Variants in SPAG16 observed in about 807,000 individuals in gnomAD.
SPAG16 encodes the protein sperm associated antigen 16.
SPAG16 carries 86 observed loss-of-function variants against 80.4 expected under a neutral mutation model. The ratio of observed to expected loss-of-function variants is 1.07; its 90% CI spans 0.90 to 1.28. SPAG16 has a LOEUF of 1.28. Ranked by LOEUF, SPAG16 falls within the 50% of genes most tolerant of loss-of-function variation. The pLI is 0.00. For missense variants in SPAG16, 870 were observed against 765.3 expected (o/e 1.14, Z -1.61); for synonymous variants, 294 against 265.9 (o/e 1.11, Z -1.03).
intron 13 of SPAG16, among the ~76,000 whole-genome samples, chr2:214,049,306 T>G (rs1242287511): frequency 6.6e-6 from 1 of 152,150 alleles, no homozygotes; most frequent in Non-Finnish European, 1.5e-5. Context: ...CCGAAGCACC[T>G]CTCCTTTTCC....
intron 12 of SPAG16, among the ~76,000 whole-genome samples, chr2:213,979,247 A>C (rs1244226915): frequency 1.3e-5 from 2 of 151,538 alleles, no homozygotes; most frequent in Non-Finnish European, 2.9e-5. Flanking sequence ...TCTCTTTTTA[A>C]ATTAAAAAAA....
chr2:213,381,819 G>T (rs1407200413), intron 9 of SPAG16, among the ~76,000 whole-genome samples: 2 of 152,174 alleles, frequency 1.3e-5, no homozygotes, highest in East Asian at 3.9e-4. Context: ...CAGTCAGCCA[G>T]ACTGATAGCC....
chr2:214,288,995 C>T (rs1693595196), intron 15 of SPAG16, among the ~76,000 whole-genome samples: 3 of 152,110 alleles, frequency 2.0e-5, no homozygotes, highest in Admixed American at 2.0e-4. Context: ...GTCTCGATCT[C>T]CTGACCTCGT....
intron 10 of SPAG16, among the ~76,000 whole-genome samples, chr2:213,786,579 T>C (rs1471061030): frequency 2.6e-5 from 4 of 152,194 alleles, no homozygotes; most frequent in African/African-American, 9.7e-5. Context: ...TATTACCATG[T>C]AATTTAATTA....
At chr2:213,998,398 T>C (rs1442632502) in intron 12 of SPAG16, among the ~76,000 whole-genome samples, 1 of 152,208 alleles carries the variant, frequency 6.6e-6, no homozygotes, top group Non-Finnish European at 1.5e-5. Flanking sequence ...TATCAAGGGT[T>C]TTCCACTTTT....
At chr2:213,532,540 C>T (rs563260382) in intron 10 of SPAG16, among the ~76,000 whole-genome samples, 2 of 151,508 alleles carry the variant, frequency 1.3e-5, no homozygotes, top group South Asian at 4.2e-4. Context: ...CGGCTCACCA[C>T]AACCTCCACC....
At chr2:214,220,231 C>CTTATATCTTCTTATATCTT in intron 15 of SPAG16, among the ~76,000 whole-genome samples, 1 of 151,974 alleles carries the variant, frequency 6.6e-6, no homozygotes, top group Non-Finnish European at 1.5e-5. Flanking sequence ...ATCCTTGGTC[C>CTTATATCTTCTTATATCTT]AGATCTTCTT....
At chr2:213,752,405 C>T (rs1362833565) in intron 10 of SPAG16, among the ~76,000 whole-genome samples, 5 of 152,190 alleles carry the variant, frequency 3.3e-5, no homozygotes, top group Admixed American at 3.3e-4. Flanking sequence ...TGACCTTTCT[C>T]TCCTCTACCA....
chr2:213,503,110 T>G (rs970927328), intron 10 of SPAG16, among the ~76,000 whole-genome samples: 2 of 152,246 alleles, frequency 1.3e-5, no homozygotes, highest in African/African-American at 4.8e-5. Context: ...TGTATCTGTT[T>G]ATGTATCTTG....
At chr2:213,730,598 C>T (rs988093720) in intron 10 of SPAG16, among the ~76,000 whole-genome samples, 2 of 152,032 alleles carry the variant, frequency 1.3e-5, no homozygotes, top group Non-Finnish European at 2.9e-5. Context: ...GCATTATTTC[C>T]CCTATGGGTT....
At chr2:214,204,021 C>A (rs1407081331) in intron 15 of SPAG16, among the ~76,000 whole-genome samples, 1 of 152,166 alleles carries the variant, frequency 6.6e-6, no homozygotes, top group African/African-American at 2.4e-5. Flanking sequence ...GCCTTTTGGG[C>A]TGCATAGGAG....
At chr2:214,104,996 G>A (rs146623888) in intron 13 of SPAG16, among the ~76,000 whole-genome samples, 5 of 152,204 alleles carry the variant, frequency 3.3e-5, no homozygotes, top group South Asian at 4.1e-4. Flanking sequence ...TAAGGCCACC[G>A]ACATAATCAC....
chr2:214,005,858 A>C lies in SPAG16; in HGVS notation c.1401-8093A>C, dbSNP rs576524647. 2.0e-4 allele frequency among the ~76,000 whole-genome samples: 31 copies of C among 152,188 alleles called. 1 individual carries two copies. The highest frequency in any genetic ancestry group is 3.8e-4 in the Non-Finnish European group (26 of 68,030). ...TATATATAAACCTTTACAGAAAACT[A>C]GGAGGTGAGGAAAATCCCTCATGAA... On this transcript the variant is annotated intron_variant, in intron 12 of 15. Transcript: ENST00000331683.
At chr2:213,559,413 CAA>C (rs1256155647) in intron 10 of SPAG16, among the ~76,000 whole-genome samples, 2 of 152,074 alleles carry the variant, frequency 1.3e-5, no homozygotes, top group Non-Finnish European at 2.9e-5. Flanking sequence ...TAAGGAGAAA[CAA>C]GAGGAAGGAG....
intron 15 of SPAG16, among the ~76,000 whole-genome samples, chr2:214,297,823 C>CTTTTTTTTTT (rs748471904): frequency 7.9e-6 from 1 of 126,010 alleles, no homozygotes. Context: ...CTATTTGGCT[C>CTTTTTTTTTT]TTTTTTTTTT....
chr2:214,244,412 T>C (rs952290919), intron 15 of SPAG16, among the ~76,000 whole-genome samples: 1 of 150,092 alleles, frequency 6.7e-6, no homozygotes, highest in East Asian at 1.9e-4. Flanking sequence ...AAAAAAAGAC[T>C]TAAAATGACT....
chr2:213,702,593 T>G (rs1266349149), intron 10 of SPAG16, among the ~76,000 whole-genome samples: 1 of 152,148 alleles, frequency 6.6e-6, no homozygotes, highest in Admixed American at 6.5e-5. Context: ...ACAATAATAT[T>G]TCATCTTTGT....
chr2:213,627,664 T>G (rs1326890366), intron 10 of SPAG16, among the ~76,000 whole-genome samples: 2 of 144,434 alleles, frequency 1.4e-5, no homozygotes, highest in Non-Finnish European at 3.0e-5. Flanking sequence ...GAAAAGGAAC[T>G]CAACAATTGA....
intron 15 of SPAG16, among the ~76,000 whole-genome samples, chr2:214,269,033 AT>A (rs1207246587): frequency 6.6e-6 from 1 of 151,972 alleles, no homozygotes; most frequent in East Asian, 1.9e-4. Flanking sequence ...ATAATCAGCT[AT>A]TTGTCTTTTC....
Sources: allele counts gnomAD v4.1 joint callset (sites outside exome capture counted in the v4.1 genomes callset), GRCh38; gene constraint gnomAD v4.1.1; transcripts MANE v1.5; gene names NCBI Gene and HGNC (gene_info 2026-07-23, HGNC 2026-07-21).